The following ANKRD30B variants were observed in gnomAD, a reference collection of about 807,000 sequenced individuals.
The protein encoded by ANKRD30B is ankyrin repeat domain-containing protein 30B.
A neutral mutation model predicts 202.2 loss-of-function variants in ANKRD30B; 144 were observed. The ratio of observed to expected loss-of-function variants is 0.71; its 90% CI spans 0.62 to 0.82. ANKRD30B has a LOEUF of 0.82. Ranked by LOEUF, ANKRD30B falls within the 40% of genes least tolerant of loss-of-function variation. ANKRD30B has a pLI of 0.00. For missense variants in ANKRD30B, 1,487 were observed against 1,669.1 expected, an observed-to-expected ratio of 0.89 and a Z score of 1.90; for synonymous variants, 508 against 561.3, an observed-to-expected ratio of 0.91 and a Z score of 1.34.
chr18:14,871,314 C>T, the ANKRD30B span, among the ~76,000 whole-genome samples: 71,260 of 141,364 alleles, frequency 0.5, 18,213 homozygotes, highest in Non-Finnish European at 0.52. Context: ...CCAATTCCCA[C>T]GCTCTTGGCA....
chr18:14,768,674 G>C (rs1916628574), intron 7 of ANKRD30B, among the ~76,000 whole-genome samples: 1 of 152,196 alleles, frequency 6.6e-6, no homozygotes, highest in South Asian at 2.1e-4. Context: ...ACTGTGGCAT[G>C]AGAGCAGAGG....
chr18:14,855,423 C>T (rs1476636215), downstream of ANKRD30B, among the ~76,000 whole-genome samples: 21 of 152,240 alleles, frequency 1.4e-4, no homozygotes, highest in Non-Finnish European at 2.5e-4. Context: ...GCTGTCTCTT[C>T]GAAGCTGTTG....
chr18:14,837,201 T>C lies in ANKRD30B; in HGVS notation c.2848-10T>C. ...TTTTGTGTTTGCTTTCTGTGTTTTGTTTGTAATAGGAGGGAGCAACAAAGA... is the reference window on the plus strand; with the variant it reads ...TTTTGTGTTTGCTTTCTGTGTTTTGCTTGTAATAGGAGGGAGCAACAAAGA... On this transcript the variant is annotated splice_polypyrimidine_tract_variant and intron_variant, in intron 34 of 43. Coordinates refer to ENST00000690538, the MANE Select transcript of ANKRD30B (RefSeq NM_001367607.2). 6.6e-7 allele frequency: 1 copy of C among 1,525,288 alleles called. No homozygotes were observed. The highest frequency in any genetic ancestry group is 2.5e-5 in the East Asian group (1 of 40,516). 94.5% of individuals were successfully genotyped at this position (1,525,288 alleles called of 1,614,324 possible).
intron 18 of ANKRD30B, 130 bp from the exon 19 acceptor site, chr18:14,797,530 AC>A (rs1447387985): frequency 1.7e-5 from 18 of 1,030,800 alleles, no homozygotes; most frequent in Non-Finnish European, 2.7e-5. Context: ...AACCCAAAGG[AC>A]CCCAAAACCT....
Position 14,852,427 on chromosome 18 carries a change from A to G in ANKRD30B, c.4476+7A>G. On this transcript the variant is annotated splice_region_variant and intron_variant, in intron 42 of 43. Transcript: ENST00000690538. ...AGAGAAAGCAGAAAGAGAAGTAAGT[A>G]TCAAAAAATATAAATACTTTTCAAA... is the stretch of plus-strand genomic sequence containing the variant. 6.6e-7 allele frequency: 1 copy of G among 1,513,564 alleles called. No individual in the cohort carries two copies. Among genetic ancestry groups the G allele is most frequent in the Non-Finnish European group, 8.8e-7 (1 of 1,137,478 alleles). 93.8% of individuals were successfully genotyped at this position (1,513,564 alleles called of 1,614,324 possible).
chr18:14,892,335 A>G, the ANKRD30B span, among the ~76,000 whole-genome samples: 1 of 152,234 alleles, frequency 6.6e-6, no homozygotes, highest in Non-Finnish European at 1.5e-5. Flanking sequence ...ATAGGCAGAC[A>G]TCTTCCCTTT....
intron 9 of ANKRD30B, among the ~76,000 whole-genome samples, chr18:14,777,114 C>T (rs1967407039): frequency 6.6e-6 from 1 of 151,994 alleles, no homozygotes; most frequent in East Asian, 1.9e-4. Context: ...AATATGTACA[C>T]GAGTGAATTT....
At chr18:14,922,286 C>T in the ANKRD30B span, among the ~76,000 whole-genome samples, 1 of 152,074 alleles carries the variant, frequency 6.6e-6, no homozygotes, top group African/African-American at 2.4e-5. Context: ...ATCTCCCATC[C>T]CAGTGGTTAA....
At chr18:14,877,264 G>A in the ANKRD30B span, among the ~76,000 whole-genome samples, 2 of 152,244 alleles carry the variant, frequency 1.3e-5, no homozygotes, top group African/African-American at 4.8e-5. Context: ...GAGTATTTGT[G>A]ATTTGCTTCT....
intron 8 of ANKRD30B, among the ~76,000 whole-genome samples, chr18:14,770,809 T>C (rs1331981909): frequency 1.3e-5 from 2 of 148,718 alleles, no homozygotes; most frequent in Admixed American, 6.6e-5. Context: ...AAGCTTTCTA[T>C]TGAAAGATAA....
At chr18:14,893,280 G>A in the ANKRD30B span, among the ~76,000 whole-genome samples, 1 of 152,136 alleles carries the variant, frequency 6.6e-6, no homozygotes, top group South Asian at 2.1e-4. Context: ...AGTGTGGGGA[G>A]TGATGTTCCT....
Position 14,819,832 on chromosome 18 carries a change from A to C in ANKRD30B, c.2642-2651A>C, listed in dbSNP as rs1351690726. On this transcript the variant is annotated intron_variant, in intron 30 of 43. Coordinates refer to ENST00000690538, the MANE Select transcript of ANKRD30B (RefSeq NM_001367607.2). ...GCTTTGTTCTTTTGGCTTAGGATTG[A>C]CTTGGCGACACGGGCTCATTTTTGG... Among the ~76,000 whole-genome samples the C allele has an allele frequency of 2.0e-5, 3 of 152,070 alleles. No individual in the cohort carries two copies. In the East Asian group the frequency reaches 5.8e-4, roughly 29 times the overall value.
At chr18:14,878,220 C>T in the ANKRD30B span, among the ~76,000 whole-genome samples, 1 of 152,088 alleles carries the variant, frequency 6.6e-6, no homozygotes, top group Non-Finnish European at 1.5e-5. Context: ...TGGAACCGAG[C>T]AGATAGTAGT....
At chr18:14,844,689 C>T (rs2143211101) in intron 39 of ANKRD30B, among the ~76,000 whole-genome samples, 1 of 152,318 alleles carries the variant, frequency 6.6e-6, no homozygotes, top group Middle Eastern at 3.4e-3. Context: ...AGCGAGTTTA[C>T]ACTCCCACCA....
chr18:14,787,864 G>C (rs183097336), intron 15 of ANKRD30B, among the ~76,000 whole-genome samples: 1 of 152,202 alleles, frequency 6.6e-6, no homozygotes, highest in African/African-American at 2.4e-5. Context: ...AGTCCATAGA[G>C]AGGTAGATTT....
chr18:14,800,397 G>T (rs569708904), intron 22 of ANKRD30B, among the ~76,000 whole-genome samples: 2 of 150,722 alleles, frequency 1.3e-5, no homozygotes, highest in Non-Finnish European at 2.9e-5. Flanking sequence ...TGATCTTGGC[G>T]CACTGCAAGC....
intron 32 of ANKRD30B, among the ~76,000 whole-genome samples, chr18:14,823,831 C>T (rs754267357): frequency 1.8e-4 from 27 of 152,048 alleles, no homozygotes; most frequent in Admixed American, 1.2e-3. Flanking sequence ...AAACAATAGC[C>T]GGTTGTGGTG....
intron 9 of ANKRD30B, among the ~76,000 whole-genome samples, chr18:14,777,243 C>T (rs1378845466): frequency 6.6e-6 from 1 of 152,044 alleles, no homozygotes; most frequent in African/African-American, 2.4e-5. Flanking sequence ...TTTTGGTTTT[C>T]AATATGTGAA....
the ANKRD30B span, among the ~76,000 whole-genome samples, chr18:14,906,209 C>T: frequency 6.6e-6 from 1 of 152,126 alleles, no homozygotes; most frequent in Non-Finnish European, 1.5e-5. Flanking sequence ...TGGAATCTGT[C>T]TCTGCTTTTC....
Sources: gnomAD v4.1 joint callset for allele counts (sites outside exome capture counted in the v4.1 genomes callset) on GRCh38, gnomAD v4.1.1 for gene constraint, MANE v1.5 for transcripts, NCBI Gene and HGNC (gene_info 2026-07-23, HGNC 2026-07-21) for gene names.